Variants in IQCM observed in about 807,000 individuals in gnomAD.
IQCM encodes the protein IQ motif containing M.
A neutral mutation model predicts 57.6 loss-of-function variants in IQCM; 45 were observed. The observed-to-expected ratio is 0.78, with a 90% CI of 0.62 to 1.00. The LOEUF (loss-of-function observed/expected upper bound fraction) is 1.00. IQCM is among the 50% of genes least tolerant of loss of function. IQCM has a pLI of 0.00. For synonymous variants in IQCM, 148 were observed against 158.9 expected, an observed-to-expected ratio of 0.93 and a Z score of 0.51; for missense variants, 468 against 511.6, an observed-to-expected ratio of 0.91 and a Z score of 0.82.
At chr4:149,563,589 A>C (rs1052417553) in intron 10 of IQCM, 103 bp downstream of exon 10, 2 of 834,534 alleles carry the variant, frequency 2.4e-6, no homozygotes, top group Non-Finnish European at 3.2e-6. Context: ...TCTATCTCCA[A>C]AAAAAAAAGT....
chr4:149,773,178 C>T (rs1014529352), intron 2 of IQCM, among the ~76,000 whole-genome samples: 1 of 152,016 alleles, frequency 6.6e-6, no homozygotes, highest in African/African-American at 2.4e-5. Flanking sequence ...GGTGAAACCC[C>T]ATCTCTACTA....
intron 7 of IQCM, among the ~76,000 whole-genome samples, chr4:149,632,511 C>T (rs1757355515): frequency 6.6e-6 from 1 of 151,986 alleles, no homozygotes; most frequent in South Asian, 2.1e-4. Context: ...TGATGACCAG[C>T]TTGTCAGAAG....
chr4:149,359,424 A>G (rs74505427), intron 13 of IQCM, among the ~76,000 whole-genome samples: 18 of 152,280 alleles, frequency 1.2e-4, no homozygotes, highest in East Asian at 9.7e-4. Context: ...TCAATGGAAA[A>G]TATTATTTAT....
intron 12 of IQCM, among the ~76,000 whole-genome samples, chr4:149,468,214 T>C (rs553193096): frequency 6.6e-6 from 1 of 152,130 alleles, no homozygotes; most frequent in South Asian, 2.1e-4. Flanking sequence ...GTCAGGAAAT[T>C]CCCTTTCCTA....
At chr4:149,723,898 T>C (rs1240504007) in intron 5 of IQCM, among the ~76,000 whole-genome samples, 1 of 150,804 alleles carries the variant, frequency 6.6e-6, no homozygotes, top group Non-Finnish European at 1.5e-5. Context: ...GTAGAATTTG[T>C]CTATGAATCT....
intron 2 of IQCM, among the ~76,000 whole-genome samples, chr4:149,789,548 A>G (rs1772385550): frequency 6.6e-6 from 1 of 152,204 alleles, no homozygotes; most frequent in Admixed American, 6.5e-5. Flanking sequence ...AGCCAGGTGC[A>G]GTGGCTCATG....
chr4:149,673,577 C>A (rs1391614417), intron 7 of IQCM, among the ~76,000 whole-genome samples: 1 of 152,112 alleles, frequency 6.6e-6, no homozygotes, highest in Non-Finnish European at 1.5e-5. Flanking sequence ...AGCTAACTAT[C>A]CTAAAAATAT....
intron 2 of IQCM, among the ~76,000 whole-genome samples, chr4:149,744,440 T>A (rs1367009471): frequency 6.6e-6 from 1 of 152,180 alleles, no homozygotes; most frequent in African/African-American, 2.4e-5. Flanking sequence ...AATGGACTCT[T>A]CTCTGGGTCT....
chr4:149,460,036 C>T lies in IQCM; in HGVS notation c.1229-26479G>A, dbSNP rs143817257. 1.6e-3 allele frequency among the ~76,000 whole-genome samples: 241 copies of T among 152,228 alleles called. 1 individual carries two copies. The East Asian group carries it at 0.03, about 19-fold the overall frequency. ...TATATACCATTTACATTCCCACCAA[C>T]GGTACACAAGGGTTCCAATTTCTCC... On this transcript the variant is annotated intron_variant, in intron 12 of 13. Coordinates refer to ENST00000636793, the MANE Select transcript of IQCM (RefSeq NM_001363507.2).
Position 149,726,127 on chromosome 4 carries a change from G to GAAAGAAAGAAAGAAAGA in IQCM, c.385+7116_385+7117insTCTTTCTTTCTTTCTTT, listed in dbSNP as rs1561203900. Among the ~76,000 whole-genome samples, 8 of 142,270 alleles carry GAAAGAAAGAAAGAAAGA rather than the reference G, an allele frequency of 5.6e-5. No homozygotes were observed. The South Asian group carries it at 9.1e-4, about 16-fold the overall frequency. 93.3% of individuals were successfully genotyped at this position (142,270 alleles called of 152,430 possible). ...AGAAAGAAAGAAAGAAAGAAAGAAA[G>GAAAGAAAGAAAGAAAGA]AAAGAAAGAAAGAAAAGAAAGAAAG... is the stretch of plus-strand genomic sequence containing the variant. On this transcript the variant is annotated intron_variant, in intron 5 of 13. Coordinates refer to ENST00000636793, the MANE Select transcript of IQCM (RefSeq NM_001363507.2).
chr4:149,475,931 G>A (rs1226331648), intron 12 of IQCM, among the ~76,000 whole-genome samples: 1 of 152,078 alleles, frequency 6.6e-6, no homozygotes, highest in Non-Finnish European at 1.5e-5. Context: ...TAAGATGTGA[G>A]GAATTGAAGA....
chr4:149,438,238 T>C (rs1735558216), intron 12 of IQCM, among the ~76,000 whole-genome samples: 1 of 152,138 alleles, frequency 6.6e-6, no homozygotes, highest in African/African-American at 2.4e-5. Context: ...TTTATAGTTT[T>C]CATACTAATA....
Position 149,682,188 on chromosome 4 carries a change from T to C in IQCM, c.495A>G (p.Leu165=). The stretch of plus-strand genomic sequence containing the variant: ...AAAGATGGACAGGAAAGGGATAGAG[T>C]AATTCCAACATTCTGTTTCTGAAAC... ...FEESRNRMLE[L]LYPFPVHLYL... The change falls in exon 7 of 14, where the codon TTA becomes TTG. Residue 165 remains leucine (L), a synonymous_variant. Transcript: ENST00000636793. The C allele has an allele frequency of 2.5e-6, 3 of 1,221,958 alleles. No homozygotes were observed. The highest frequency in any genetic ancestry group is 3.1e-6 in the Non-Finnish European group (3 of 979,294). 75.7% of individuals were successfully genotyped at this position (1,221,958 alleles called of 1,614,324 possible).
At chr4:149,423,792 CTTAATAAATAT>C (rs1169052708) in intron 13 of IQCM, among the ~76,000 whole-genome samples, 1 of 151,902 alleles carries the variant, frequency 6.6e-6, no homozygotes, top group African/African-American at 2.4e-5. Context: ...AATACAGACA[CTTAATAAATAT>C]TTGTGGAGTG....
At chr4:149,810,927 C>T (rs1378391887) in intron 2 of IQCM, among the ~76,000 whole-genome samples, 1 of 152,078 alleles carries the variant, frequency 6.6e-6, no homozygotes, top group South Asian at 2.1e-4. Context: ...AACATATCTG[C>T]CAATTAAACA....
Position 149,519,242 on chromosome 4 carries a change from T to C in IQCM, c.1228+29213A>G, listed in dbSNP as rs191270651. ...GTTTAGTGAGTGTTTGACTGTACCATTTTGAATCATTGGAAAATTATTGTA... is the reference window on the plus strand; with the variant it reads ...GTTTAGTGAGTGTTTGACTGTACCACTTTGAATCATTGGAAAATTATTGTA... On this transcript the variant is annotated intron_variant, in intron 12 of 13. Transcript: ENST00000636793. Among the ~76,000 whole-genome samples the C allele has an allele frequency of 2.1e-4, 32 of 152,058 alleles. No homozygotes were observed. In the East Asian group the frequency reaches 6.0e-3, roughly 29 times the overall value.
At chr4:149,393,549 C>G (rs1011451355) in intron 13 of IQCM, among the ~76,000 whole-genome samples, 1 of 151,688 alleles carries the variant, frequency 6.6e-6, no homozygotes, top group Non-Finnish European at 1.5e-5. Flanking sequence ...ATTCTCAAAT[C>G]CCAAATAAGA....
chr4:149,465,757 T>C (rs1738793345), intron 12 of IQCM, among the ~76,000 whole-genome samples: 1 of 152,058 alleles, frequency 6.6e-6, no homozygotes. Context: ...TTTTTGTTTC[T>C]AGTTGGCCAT....
intron 5 of IQCM, among the ~76,000 whole-genome samples, chr4:149,727,408 A>T (rs1766048694): frequency 6.6e-6 from 1 of 152,042 alleles, no homozygotes; most frequent in Admixed American, 6.6e-5. Flanking sequence ...TTTCCCTTAC[A>T]CTCCACACCT....
Sources: allele counts gnomAD v4.1 joint callset (sites outside exome capture counted in the v4.1 genomes callset), GRCh38; gene constraint gnomAD v4.1.1; transcripts MANE v1.5; gene names NCBI Gene and HGNC (gene_info 2026-07-23, HGNC 2026-07-21).